The following SLC16A10 variants were observed in gnomAD, a reference collection of about 807,000 sequenced individuals.
SLC16A10 encodes monocarboxylate transporter 10.
In SLC16A10, 27 loss-of-function variants were observed where a neutral mutation model predicts 40.0. The observed-to-expected ratio is 0.67, with a 90% CI of 0.50 to 0.93. The LOEUF is 0.93. Ranked by LOEUF, SLC16A10 falls within the 40% of genes least tolerant of loss-of-function variation. The pLI is 0.00. For missense variants in SLC16A10, 529 were observed against 658.2 expected, an observed-to-expected ratio of 0.80 and a Z score of 2.15; for synonymous variants, 213 against 249.8, an observed-to-expected ratio of 0.85 and a Z score of 1.39.
chr6:111,137,938 C>T (rs977022382), intron 1 of SLC16A10, among the ~76,000 whole-genome samples: 1 of 152,242 alleles, frequency 6.6e-6, no homozygotes, highest in East Asian at 1.9e-4. Flanking sequence ...AATCATCTAT[C>T]ACCTGAGAGC....
intron 3 of SLC16A10, among the ~76,000 whole-genome samples, chr6:111,192,700 C>A (rs1773015532): frequency 6.6e-6 from 1 of 152,086 alleles, no homozygotes; most frequent in Admixed American, 6.5e-5. Flanking sequence ...GCTGGGGAGG[C>A]CTCACAATCA....
At chr6:111,148,614 G>A (rs1772119636) in intron 1 of SLC16A10, among the ~76,000 whole-genome samples, 1 of 152,164 alleles carries the variant, frequency 6.6e-6, no homozygotes, top group South Asian at 2.1e-4. Context: ...ACTTTAGGAA[G>A]GTGTACTCCA....
rs184880345 is a variant in SLC16A10, at chr6:111,230,797, A to G, written c.*8562A>G. ...ATGTTTATTTGAAAATTAATTTTTT[A>G]ATTATTTTGTATATTTTGAGTTAGA... On this transcript the variant is annotated 3_prime_UTR_variant, in exon 6 of 6. Transcript: ENST00000368851. 34 of 152,256 alleles carry G rather than the reference A, an allele frequency of 2.2e-4. No homozygotes were observed. In the East Asian group the frequency reaches 6.4e-3, roughly 28 times the overall value. 9.4% of individuals were successfully genotyped at this position (152,256 alleles called of 1,614,324 possible).
chr6:111,180,101 A>C (rs1772761971), intron 3 of SLC16A10, among the ~76,000 whole-genome samples: 1 of 152,252 alleles, frequency 6.6e-6, no homozygotes, highest in South Asian at 2.1e-4. Context: ...GCTCTGAAGG[A>C]GCATAAACCT....
chr6:111,099,488 G>T (rs917692282), intron 1 of SLC16A10, among the ~76,000 whole-genome samples: 15 of 151,828 alleles, frequency 9.9e-5, no homozygotes, highest in African/African-American at 3.6e-4. Context: ...AATTTTTAAA[G>T]TTTTTTTGTA....
chr6:111,216,731 TAAACG>T (rs1020954656), intron 4 of SLC16A10, among the ~76,000 whole-genome samples: 1 of 152,154 alleles, frequency 6.6e-6, no homozygotes, highest in Non-Finnish European at 1.5e-5. Flanking sequence ...CTCGTATTCC[TAAACG>T]AATCATAATT....
In SLC16A10 at chr6:111,225,549, C is replaced by CA. The variant is rs55999105; in HGVS notation, c.*3331dup. On this transcript the variant is annotated 3_prime_UTR_variant, in exon 6 of 6. Transcript: ENST00000368851. ...TGGGCGACAGAGCGAGACTCCATCT[C>CA]AAAAAAAAAAAAAAAAAGTAAAAGT... The CA allele has an allele frequency of 0.23, 25,267 of 109,866 alleles. 3,166 individuals are homozygous for CA. The highest frequency in any genetic ancestry group is 0.39 in the African/African-American group (12,051 of 30,746). 6.8% of individuals were successfully genotyped at this position (109,866 alleles called of 1,614,324 possible). A position where few individuals can be genotyped will look rare whatever the true frequency, so the allele number is the denominator to read the frequency against.
chr6:111,098,480 C>T (rs1356526325), intron 1 of SLC16A10, among the ~76,000 whole-genome samples: 1 of 152,096 alleles, frequency 6.6e-6, no homozygotes, highest in East Asian at 1.9e-4. Flanking sequence ...TGCCTGTGTT[C>T]AGAAAGCCAA....
intron 1 of SLC16A10, among the ~76,000 whole-genome samples, chr6:111,117,653 C>T (rs181364480): frequency 3.5e-4 from 54 of 152,208 alleles, no homozygotes; most frequent in African/African-American, 1.3e-3. Context: ...GCTTCACCAC[C>T]GATTTATGAC....
chr6:111,201,904 C>CT (rs1773173738), intron 3 of SLC16A10, among the ~76,000 whole-genome samples: 1 of 152,182 alleles, frequency 6.6e-6, no homozygotes, highest in South Asian at 2.1e-4. Flanking sequence ...ATTGGAGCTG[C>CT]TTTTGTACTG....
chr6:111,200,355 TC>T (rs1420449388), intron 3 of SLC16A10, among the ~76,000 whole-genome samples: 1 of 152,228 alleles, frequency 6.6e-6, no homozygotes, highest in East Asian at 1.9e-4. Context: ...GCTGGTCTAA[TC>T]GATAAATATC....
At chr6:111,148,380 G>A (rs1772115725) in intron 1 of SLC16A10, among the ~76,000 whole-genome samples, 4 of 152,250 alleles carry the variant, frequency 2.6e-5, no homozygotes, top group Non-Finnish European at 2.9e-5. Context: ...CTATTCAATA[G>A]TAAGTAACTC....
In SLC16A10 at chr6:111,091,849, C is replaced by A. The variant is rs1366859817; in HGVS notation, c.343+3754C>A. On this transcript the variant is annotated intron_variant, in intron 1 of 5. Transcript: ENST00000368851. ...TTTATACAAATGTTTACCAAGTTATCTAACACGCTTTGTTTTGGGCTCTGT... is the reference window on the plus strand; with the variant it reads ...TTTATACAAATGTTTACCAAGTTATATAACACGCTTTGTTTTGGGCTCTGT... 2.6e-5 allele frequency among the ~76,000 whole-genome samples: 4 copies of A among 152,184 alleles called. No individual in the cohort carries two copies. The East Asian group carries it at 7.7e-4, about 29-fold the overall frequency.
intron 3 of SLC16A10, among the ~76,000 whole-genome samples, chr6:111,199,195 C>T (rs1234616176): frequency 2.0e-5 from 3 of 152,158 alleles, no homozygotes; most frequent in Admixed American, 6.5e-5. Context: ...TGTGGGGGCT[C>T]ATGCCAGTAG....
chr6:111,167,305 C>CA (rs2114535247), intron 1 of SLC16A10, among the ~76,000 whole-genome samples: 1 of 152,132 alleles, frequency 6.6e-6, no homozygotes, highest in African/African-American at 2.4e-5. Context: ...ACCTTTGGAG[C>CA]AAAAAGTGGG....
intron 1 of SLC16A10, among the ~76,000 whole-genome samples, chr6:111,142,698 A>G (rs1246721700): frequency 6.6e-6 from 1 of 152,248 alleles, no homozygotes; most frequent in East Asian, 1.9e-4. Flanking sequence ...AGAATGGCCA[A>G]AATCCAAAAC....
chr6:111,217,291 C>T (rs946253460), intron 4 of SLC16A10, among the ~76,000 whole-genome samples: 1 of 152,154 alleles, frequency 6.6e-6, no homozygotes, highest in African/African-American at 2.4e-5. Context: ...ATGAGGATCA[C>T]CAGTGAGATA....
At chr6:111,186,137 C>T (rs1321731520) in intron 3 of SLC16A10, among the ~76,000 whole-genome samples, 1 of 152,184 alleles carries the variant, frequency 6.6e-6, no homozygotes, top group Non-Finnish European at 1.5e-5. Context: ...TGTGCTCAAA[C>T]AATCCTCCTG....
At chr6:111,129,193 G>T (rs1198194523) in intron 1 of SLC16A10, among the ~76,000 whole-genome samples, 3 of 152,198 alleles carry the variant, frequency 2.0e-5, no homozygotes, top group African/African-American at 7.2e-5. Context: ...TTTGGAGCTG[G>T]CCTTGGAAGG....
Sources: gnomAD v4.1 joint callset for allele counts (sites outside exome capture counted in the v4.1 genomes callset) on GRCh38, gnomAD v4.1.1 for gene constraint, MANE v1.5 for transcripts, NCBI Gene and HGNC (gene_info 2026-07-23, HGNC 2026-07-21) for gene names.